Variants in ANKS1B observed in about 807,000 individuals in gnomAD.
ANKS1B encodes ankyrin repeat and sterile alpha motif domain containing 1B.
A neutral mutation model predicts 148.3 loss-of-function variants in ANKS1B; 36 were observed. The observed-to-expected ratio is 0.24, with a 90% CI of 0.19 to 0.32. The LOEUF (loss-of-function observed/expected upper bound fraction) is 0.32, where lower values mean the gene tolerates loss of function less well. Ranked by LOEUF, ANKS1B falls within the 10% of genes least tolerant of loss-of-function variation. The pLI, the probability that ANKS1B is intolerant of heterozygous loss-of-function variation, is 1.00. For synonymous variants in ANKS1B, 542 were observed against 560.8 expected (o/e 0.97, Z 0.47); for missense variants, 1,157 against 1,542.6 (o/e 0.75, Z 4.19).
chr12:98,795,013 C>G, intron 22 of ANKS1B: 1 of 821,834 alleles, frequency 1.2e-6, no homozygotes, highest in Non-Finnish European at 2.1e-6. Flanking sequence ...TGAAAATGCC[C>G]TTTGGAGACT....
chr12:98,999,457 G>A (rs984917182), intron 17 of ANKS1B, among the ~76,000 whole-genome samples: 5 of 152,142 alleles, frequency 3.3e-5, no homozygotes, highest in African/African-American at 1.2e-4. Flanking sequence ...GGTGATGACA[G>A]ATGTTACGTA....
At chr12:98,921,194 C>T (rs1460357277) in intron 17 of ANKS1B, among the ~76,000 whole-genome samples, 1 of 151,966 alleles carries the variant, frequency 6.6e-6, no homozygotes, top group African/African-American at 2.4e-5. Flanking sequence ...TTGATGTTTT[C>T]CATTTACTCA....
chr12:99,377,289 G>A (rs2093431813), intron 12 of ANKS1B, among the ~76,000 whole-genome samples: 2 of 152,226 alleles, frequency 1.3e-5, no homozygotes, highest in South Asian at 4.2e-4. Context: ...ATGGGTGTGA[G>A]CCTGAGTTAA....
At chr12:99,018,162 T>C (rs1341093932) in intron 17 of ANKS1B, among the ~76,000 whole-genome samples, 1 of 152,162 alleles carries the variant, frequency 6.6e-6, no homozygotes, top group Non-Finnish European at 1.5e-5. Flanking sequence ...CATGTTGAAA[T>C]CTAATCTCAA....
chr12:99,218,107 G>T (rs1192809607), intron 14 of ANKS1B, among the ~76,000 whole-genome samples: 1 of 152,054 alleles, frequency 6.6e-6, no homozygotes, highest in Non-Finnish European at 1.5e-5. Flanking sequence ...TACTCTAGAG[G>T]CCATATTAAC....
At chr12:99,787,883 T>C (rs577054018) in intron 4 of ANKS1B, among the ~76,000 whole-genome samples, 12 of 152,218 alleles carry the variant, frequency 7.9e-5, no homozygotes, top group Admixed American at 4.6e-4. Context: ...GAGTGGACAA[T>C]AAAGCTGTGT....
intron 17 of ANKS1B, 85 bp downstream of exon 17, chr12:99,053,072 A>G: frequency 8.2e-7 from 1 of 1,223,362 alleles, no homozygotes; most frequent in Non-Finnish European, 1.1e-6. Context: ...TCCCCATTGG[A>G]TGTCCAAACA....
chr12:98,853,295 G>T (rs2099541867), intron 17 of ANKS1B, among the ~76,000 whole-genome samples: 1 of 152,186 alleles, frequency 6.6e-6, no homozygotes, highest in Admixed American at 6.5e-5. Context: ...CCTATCAGTT[G>T]TCTGCAGAGT....
At chr12:99,765,970 T>A (rs2062605967) in intron 8 of ANKS1B, among the ~76,000 whole-genome samples, 1 of 152,136 alleles carries the variant, frequency 6.6e-6, no homozygotes, top group Non-Finnish European at 1.5e-5. Flanking sequence ...TCTGTAGGAC[T>A]CACAATCTCA....
At chr12:98,921,502 C>T (rs2099801382) in intron 17 of ANKS1B, among the ~76,000 whole-genome samples, 2 of 152,118 alleles carry the variant, frequency 1.3e-5, no homozygotes, top group South Asian at 4.1e-4. Flanking sequence ...TCAAGCAGCT[C>T]CGTGTGTTTT....
chr12:99,758,836 A>G (rs2061813556), intron 8 of ANKS1B, among the ~76,000 whole-genome samples: 1 of 151,938 alleles, frequency 6.6e-6, no homozygotes, highest in South Asian at 2.1e-4. Flanking sequence ...TGACAGTAAA[A>G]ACACTTTAAT....
At chr12:99,071,556 T>C (rs1483244710) in intron 16 of ANKS1B, among the ~76,000 whole-genome samples, 2 of 152,232 alleles carry the variant, frequency 1.3e-5, no homozygotes, top group African/African-American at 4.8e-5. Flanking sequence ...TTCCATTCTA[T>C]GCTATGTATA....
chr12:99,707,987 A>C (rs1320538012), intron 8 of ANKS1B, among the ~76,000 whole-genome samples: 1 of 152,228 alleles, frequency 6.6e-6, no homozygotes, highest in East Asian at 1.9e-4. Flanking sequence ...CACTGAGACA[A>C]ACTGTCACTT....
intron 17 of ANKS1B, among the ~76,000 whole-genome samples, chr12:99,040,265 T>C (rs2099958092): frequency 6.6e-6 from 1 of 151,330 alleles, no homozygotes; most frequent in Non-Finnish European, 1.5e-5. Context: ...TCTCTCTCTA[T>C]GTGCGTGTGC....
chr12:99,598,561 A>G (rs370772726), intron 9 of ANKS1B, among the ~76,000 whole-genome samples: 1 of 152,062 alleles, frequency 6.6e-6, no homozygotes, highest in Admixed American at 6.6e-5. Context: ...AGGCAGCTTT[A>G]CTGCCACTTA....
chr12:98,901,811 G>C (rs1209425815), intron 17 of ANKS1B, among the ~76,000 whole-genome samples: 1 of 152,146 alleles, frequency 6.6e-6, no homozygotes, highest in African/African-American at 2.4e-5. Flanking sequence ...GTGGTGAACA[G>C]ACATGTGTGG....
At chr12:99,956,421 A>T (rs1337925659) in intron 1 of ANKS1B, among the ~76,000 whole-genome samples, 3 of 152,180 alleles carry the variant, frequency 2.0e-5, no homozygotes, top group Non-Finnish European at 4.4e-5. Context: ...GAGCCTCATT[A>T]TTCTACTACA....
chr12:99,813,246 A>T (rs931200232), intron 2 of ANKS1B, among the ~76,000 whole-genome samples: 17 of 151,834 alleles, frequency 1.1e-4, no homozygotes, highest in African/African-American at 3.9e-4. Flanking sequence ...AATAATTATT[A>T]GCATAAATTA....
intron 12 of ANKS1B, among the ~76,000 whole-genome samples, chr12:99,343,410 A>C (rs146834775): frequency 2.6e-5 from 4 of 152,184 alleles, no homozygotes; most frequent in African/African-American, 9.6e-5. Flanking sequence ...AATAGCTTTA[A>C]TATTACTTTT....
Sources: gnomAD v4.1 joint callset for allele counts (sites outside exome capture counted in the v4.1 genomes callset) on GRCh38, gnomAD v4.1.1 for gene constraint, MANE v1.5 for transcripts, NCBI Gene and HGNC (gene_info 2026-07-23, HGNC 2026-07-21) for gene names.